HS6ST3: variants seen among roughly 807,000 people sequenced by gnomAD.
HS6ST3 encodes heparan-sulfate 6-O-sulfotransferase 3.
In HS6ST3, 12 loss-of-function variants were observed where a neutral mutation model predicts 36.7. That is an observed-to-expected ratio of 0.33 (90% CI 0.21 to 0.53). HS6ST3 has a LOEUF of 0.53. Among genes scored for constraint, HS6ST3 ranks in the 20% least tolerant of loss-of-function variants. The pLI, the probability that HS6ST3 is intolerant of heterozygous loss-of-function variation, is 0.95. For synonymous variants in HS6ST3, 240 were observed against 257.5 expected, an observed-to-expected ratio of 0.93 and a Z score of 0.65; for missense variants, 584 against 640.9, an observed-to-expected ratio of 0.91 and a Z score of 0.96.
intron 1 of HS6ST3, among the ~76,000 whole-genome samples, chr13:96,525,164 A>G (rs2056108828): frequency 6.6e-6 from 1 of 152,150 alleles, no homozygotes; most frequent in Non-Finnish European, 1.5e-5. Context: ...AAATGTTTGG[A>G]TAAGAAATAG....
chr13:96,606,105 A>G (rs545150227), intron 1 of HS6ST3, among the ~76,000 whole-genome samples: 1 of 152,288 alleles, frequency 6.6e-6, no homozygotes, highest in South Asian at 2.1e-4. Context: ...AGAAAAGGGG[A>G]CACTTATACA....
intron 1 of HS6ST3, among the ~76,000 whole-genome samples, chr13:96,303,116 G>A (rs1250638459): frequency 6.6e-6 from 1 of 152,144 alleles, no homozygotes; most frequent in African/African-American, 2.4e-5. Context: ...CTAGAGTATT[G>A]AATTGGAAGT....
chr13:96,415,540 C>T (rs1230529764), intron 1 of HS6ST3, among the ~76,000 whole-genome samples: 2 of 152,182 alleles, frequency 1.3e-5, no homozygotes, highest in East Asian at 3.8e-4. Flanking sequence ...GCTTAGGCAC[C>T]TCATGACTGG....
At chr13:96,578,073 A>G (rs1204853834) in intron 1 of HS6ST3, among the ~76,000 whole-genome samples, 1 of 152,180 alleles carries the variant, frequency 6.6e-6, no homozygotes, top group African/African-American at 2.4e-5. Context: ...CACCACACCA[A>G]AGTGGACTCT....
chr13:96,832,424 ATAAAAATTTAGATACCTCCTG>A, intron 1 of HS6ST3, 45 bp from the exon 2 acceptor site: 2 of 1,223,338 alleles, frequency 1.6e-6, no homozygotes, highest in Non-Finnish European at 2.3e-6. Context: ...ATGTAAAATT[ATAAAAATTTAGATACCTCCTG>A]TTAGAGTTGT....
intron 1 of HS6ST3, among the ~76,000 whole-genome samples, chr13:96,575,965 A>G (rs2056319125): frequency 6.6e-6 from 1 of 152,248 alleles, no homozygotes; most frequent in African/African-American, 2.4e-5. Flanking sequence ...GTGCCACGCC[A>G]GTGAACACAA....
intron 1 of HS6ST3, among the ~76,000 whole-genome samples, chr13:96,222,888 C>T (rs933592117): frequency 1.3e-5 from 2 of 152,156 alleles, no homozygotes; most frequent in Admixed American, 1.3e-4. Flanking sequence ...GATGACTCTT[C>T]TTCTAGCCTG....
rs564821922 is a variant in HS6ST3, at chr13:96,524,815, A to G, written c.708-307675A>G. Among the ~76,000 whole-genome samples the G allele has an allele frequency of 3.9e-5, 6 of 152,298 alleles. No individual in the cohort carries two copies. In the East Asian group the frequency reaches 1.2e-3, roughly 30 times the overall value. On this transcript the variant is annotated intron_variant, in intron 1 of 1. Coordinates refer to ENST00000376705, the MANE Select transcript of HS6ST3 (RefSeq NM_153456.4). ...TCCCCAGATCCCTTGTGCTTCCCAG[A>G]TGAGGCAACGCTCTGCCCTGCTTTG...
intron 1 of HS6ST3, among the ~76,000 whole-genome samples, chr13:96,380,043 A>G (rs1304477367): frequency 2.0e-5 from 3 of 152,170 alleles, no homozygotes; most frequent in East Asian, 3.9e-4. Context: ...GCTGGATTCA[A>G]CCTTTACTCA....
At chr13:96,674,393 G>T (rs560999577) in intron 1 of HS6ST3, among the ~76,000 whole-genome samples, 1 of 152,210 alleles carries the variant, frequency 6.6e-6, no homozygotes, top group East Asian at 1.9e-4. Context: ...TGCAAGAACA[G>T]ACTAATACAC....
intron 1 of HS6ST3, among the ~76,000 whole-genome samples, chr13:96,255,964 C>T (rs1158748367): frequency 6.6e-6 from 1 of 152,156 alleles, no homozygotes. Context: ...CACCATTAAC[C>T]AACTCATGTC....
At chr13:96,605,455 T>C (rs1443827569) in intron 1 of HS6ST3, among the ~76,000 whole-genome samples, 1 of 152,126 alleles carries the variant, frequency 6.6e-6, no homozygotes, top group Non-Finnish European at 1.5e-5. Flanking sequence ...AACTATTTAT[T>C]TACTTCACAG....
At chr13:96,580,535 G>A (rs953826271) in intron 1 of HS6ST3, among the ~76,000 whole-genome samples, 11 of 152,020 alleles carry the variant, frequency 7.2e-5, no homozygotes, top group Admixed American at 2.6e-4. Flanking sequence ...AATCCCTACC[G>A]TGAGTGACTT....
At chr13:96,484,524 C>T (rs2138900456) in intron 1 of HS6ST3, among the ~76,000 whole-genome samples, 1 of 152,284 alleles carries the variant, frequency 6.6e-6, no homozygotes, top group Middle Eastern at 3.4e-3. Flanking sequence ...CTTCCCCCGC[C>T]ACCAACTACC....
chr13:96,378,791 A>G (rs2055326799), intron 1 of HS6ST3, among the ~76,000 whole-genome samples: 1 of 152,100 alleles, frequency 6.6e-6, no homozygotes, highest in Non-Finnish European at 1.5e-5. Flanking sequence ...GCATACCTCT[A>G]CCTATAAAGC....
At chr13:96,219,585 A>G (rs2054444512) in intron 1 of HS6ST3, among the ~76,000 whole-genome samples, 1 of 152,144 alleles carries the variant, frequency 6.6e-6, no homozygotes, top group African/African-American at 2.4e-5. Flanking sequence ...ATTTCCTGTG[A>G]CTGTATTTTC....
chr13:96,594,747 A>G (rs767544844), intron 1 of HS6ST3, among the ~76,000 whole-genome samples: 8 of 152,232 alleles, frequency 5.3e-5, no homozygotes, highest in Non-Finnish European at 1.0e-4. Context: ...TACTAAAGGT[A>G]TAGTGATTTA....
intron 1 of HS6ST3, among the ~76,000 whole-genome samples, chr13:96,205,007 T>C (rs1003741973): frequency 5.9e-5 from 9 of 151,688 alleles, no homozygotes; most frequent in African/African-American, 2.2e-4. Context: ...CTGGAGGAGA[T>C]AGAGACACAA....
intron 1 of HS6ST3, among the ~76,000 whole-genome samples, chr13:96,695,769 AC>A (rs1875110939): frequency 6.6e-6 from 1 of 152,056 alleles, no homozygotes; most frequent in Non-Finnish European, 1.5e-5. Context: ...AATTTCTCTT[AC>A]AAAAATTTAG....
Sources: gnomAD v4.1 joint callset for allele counts (sites outside exome capture counted in the v4.1 genomes callset) on GRCh38, gnomAD v4.1.1 for gene constraint, MANE v1.5 for transcripts, NCBI Gene and HGNC (gene_info 2026-07-23, HGNC 2026-07-21) for gene names.